The following DENND5B variants were observed in gnomAD, a reference collection of about 807,000 sequenced individuals.
DENND5B encodes the protein DENN domain containing 5B.
DENND5B carries 34 observed loss-of-function variants against 140.6 expected under a neutral mutation model. The observed-to-expected ratio is 0.24, with a 90% CI of 0.18 to 0.32. The LOEUF is 0.32. Among genes scored for constraint, DENND5B ranks in the 10% least tolerant of loss-of-function variants. The pLI, the probability that DENND5B is intolerant of heterozygous loss-of-function variation, is 1.00. For missense variants in DENND5B, 1,142 were observed against 1,560.2 expected, an observed-to-expected ratio of 0.73 and a Z score of 4.52; for synonymous variants, 551 against 562.1, an observed-to-expected ratio of 0.98 and a Z score of 0.28.
chr12:31,389,337 A>T lies in DENND5B; in HGVS notation c.3628T>A (p.Cys1210Ser). ...GKDGKFQILV[C>S]LGTRDRLLPQ... ...CTGGTTTTGTACCTTGTTCCAAGGCAAACTAAAATCTGGAATTTGCCATCC... is the reference window on the plus strand; with the variant it reads ...CTGGTTTTGTACCTTGTTCCAAGGCTAACTAAAATCTGGAATTTGCCATCC... The change falls in exon 20 of 21, where the codon TGC (cysteine) becomes AGC (serine). Residue 1210 changes from cysteine (C) to serine (S), a missense_variant. Physicochemically the swap from Cys to Ser is moderately radical, Grantham distance 112 (BLOSUM62 -1). Coordinates refer to ENST00000389082, the MANE Select transcript of DENND5B (RefSeq NM_144973.4). The T allele has an allele frequency of 6.2e-7, 1 of 1,612,650 alleles. No individual in the cohort carries two copies. Among genetic ancestry groups the T allele is most frequent in the Non-Finnish European group, 8.5e-7 (1 of 1,179,416 alleles).
intron 9 of DENND5B, 37 bp from the exon 10 acceptor site, chr12:31,424,724 A>G (rs1943160302): frequency 1.3e-6 from 2 of 1,597,708 alleles, no homozygotes; most frequent in Admixed American, 1.8e-5. Context: ...GCACCCCAGC[A>G]GTGAAACCAA....
At chr12:31,535,280 C>G (rs1303983240) in intron 1 of DENND5B, 1 of 177,884 alleles carries the variant, frequency 5.6e-6, no homozygotes, top group Non-Finnish European at 1.2e-5. Flanking sequence ...TTAATGAACA[C>G]TAGGGATAAA....
intron 14 of DENND5B, 34 bp from the exon 15 acceptor site, chr12:31,402,677 G>A (rs16918614): frequency 0.11 from 177,979 of 1,574,998 alleles, 11,522 homozygotes; most frequent in East Asian, 0.26. Context: ...ATTAAAAAGC[G>A]GGAATAAAAT....
chr12:31,575,166 C>A (rs1949967911), intron 1 of DENND5B, among the ~76,000 whole-genome samples: 1 of 152,186 alleles, frequency 6.6e-6, no homozygotes, highest in Admixed American at 6.5e-5. Flanking sequence ...GTTACCCCAG[C>A]CATTTATATT....
intron 3 of DENND5B, among the ~76,000 whole-genome samples, chr12:31,468,589 T>C (rs1945386643): frequency 6.6e-6 from 1 of 151,908 alleles, no homozygotes; most frequent in Non-Finnish European, 1.5e-5. Context: ...GGAGGATCGC[T>C]TGGACCCAGG....
At chr12:31,399,842 T>C in intron 15 of DENND5B, 70 bp from the exon 16 acceptor site, 1 of 1,193,778 alleles carries the variant, frequency 8.4e-7, no homozygotes, top group Non-Finnish European at 1.2e-6. Context: ...TTACAGGTAC[T>C]TTGGTTCCGT....
chr12:31,520,531 T>G (rs1212916736), intron 1 of DENND5B, among the ~76,000 whole-genome samples: 1 of 152,122 alleles, frequency 6.6e-6, no homozygotes, highest in African/African-American at 2.4e-5. Context: ...AATTTAAATT[T>G]TTCTAGTAGC....
intron 7 of DENND5B, among the ~76,000 whole-genome samples, chr12:31,436,749 G>A (rs1016801255): frequency 6.6e-6 from 1 of 151,628 alleles, no homozygotes; most frequent in Admixed American, 6.6e-5. Flanking sequence ...TGGCCAGGCT[G>A]GTCTGGAACT....
chr12:31,509,525 C>T (rs2138898100), intron 1 of DENND5B, among the ~76,000 whole-genome samples: 1 of 152,136 alleles, frequency 6.6e-6, no homozygotes, highest in East Asian at 1.9e-4. Flanking sequence ...AATTGCAGAG[C>T]CAAGACTCTT....
intron 1 of DENND5B, among the ~76,000 whole-genome samples, chr12:31,513,385 T>C (rs981462370): frequency 6.6e-6 from 1 of 152,194 alleles, no homozygotes; most frequent in Non-Finnish European, 1.5e-5. Flanking sequence ...ATTTTAGAAA[T>C]AGAGAGTTAT....
At chr12:31,418,272 T>TTCTTC (rs1408005109) in intron 11 of DENND5B, among the ~76,000 whole-genome samples, 5 of 116,750 alleles carry the variant, frequency 4.3e-5, no homozygotes, top group Admixed American at 1.2e-4. Flanking sequence ...AGCATATCTT[T>TTCTTC]TTTTCTTTTC....
chr12:31,590,661 C>A, intron 1 of DENND5B, 45 bp downstream of exon 1: 1 of 1,423,512 alleles, frequency 7.0e-7, no homozygotes, highest in Non-Finnish European at 9.1e-7. Context: ...ACAGCGTCCC[C>A]CGCGCCCCTG....
chr12:31,529,314 T>C (rs935806539), intron 1 of DENND5B, among the ~76,000 whole-genome samples: 3 of 152,124 alleles, frequency 2.0e-5, no homozygotes, highest in African/African-American at 2.4e-5. Context: ...CATCCTAAGA[T>C]TGGATGGACC....
chr12:31,576,463 A>T (rs1272448905), intron 1 of DENND5B, among the ~76,000 whole-genome samples: 4 of 152,060 alleles, frequency 2.6e-5, no homozygotes, highest in African/African-American at 9.7e-5. Context: ...CTCAAAAAAA[A>T]GTAATAATAA....
chr12:31,460,479 C>G, intron 3 of DENND5B, 98 bp from the exon 4 acceptor site: 1 of 1,143,272 alleles, frequency 8.7e-7, no homozygotes, highest in Non-Finnish European at 1.2e-6. Context: ...AAAATTTCTG[C>G]GTTAAAAGTA....
chr12:31,582,192 T>C (rs1280239317), intron 1 of DENND5B, among the ~76,000 whole-genome samples: 1 of 152,240 alleles, frequency 6.6e-6, no homozygotes, highest in East Asian at 1.9e-4. Context: ...TTAATTTTTT[T>C]TTAACAGATA....
intron 1 of DENND5B, among the ~76,000 whole-genome samples, chr12:31,576,220 G>C (rs1296603870): frequency 6.6e-6 from 1 of 151,666 alleles, no homozygotes; most frequent in South Asian, 2.1e-4. Flanking sequence ...AAGAGGCCAA[G>C]GTGAGTGGAT....
At chr12:31,476,152 A>G (rs964722644) in intron 3 of DENND5B, among the ~76,000 whole-genome samples, 1 of 151,660 alleles carries the variant, frequency 6.6e-6, no homozygotes, top group Non-Finnish European at 1.5e-5. Context: ...AATAAAAAAT[A>G]AAAGAGGAAG....
chr12:31,389,188 C>G, intron 20 of DENND5B, 136 bp downstream of exon 20: 1 of 824,554 alleles, frequency 1.2e-6, no homozygotes, highest in Non-Finnish European at 1.8e-6. Context: ...TGGAGTGAGA[C>G]TCTGTTTCAA....
Sources: gnomAD v4.1 joint callset for allele counts (sites outside exome capture counted in the v4.1 genomes callset) on GRCh38, gnomAD v4.1.1 for gene constraint, MANE v1.5 for transcripts, NCBI Gene and HGNC (gene_info 2026-07-23, HGNC 2026-07-21) for gene names.